The following PPM1L variants were observed in gnomAD, a reference collection of about 807,000 sequenced individuals.
PPM1L encodes protein phosphatase 1L.
A neutral mutation model predicts 31.4 loss-of-function variants in PPM1L; 13 were observed. That is an observed-to-expected ratio of 0.41 (90% CI 0.27 to 0.66). The LOEUF (loss-of-function observed/expected upper bound fraction) is 0.66. Ranked by LOEUF, PPM1L falls within the 30% of genes least tolerant of loss-of-function variation. The pLI is 0.29. For synonymous variants in PPM1L, 184 were observed against 175.4 expected (o/e 1.05, Z -0.39); for missense variants, 326 against 453.7 (o/e 0.72, Z 2.56).
At chr3:160,942,113 C>T (rs951096433) in intron 1 of PPM1L, among the ~76,000 whole-genome samples, 94 of 152,318 alleles carry the variant, frequency 6.2e-4, no homozygotes, top group African/African-American at 2.2e-3. Flanking sequence ...AGGCTAACTA[C>T]AGATGCATGC....
At chr3:161,061,491 T>A (rs1719566530) in intron 2 of PPM1L, among the ~76,000 whole-genome samples, 1 of 152,172 alleles carries the variant, frequency 6.6e-6, no homozygotes, top group African/African-American at 2.4e-5. Context: ...AGCATGTGAG[T>A]ACAGTTGGCT....
chr3:160,801,164 C>CAT (rs1644965876), intron 1 of PPM1L, among the ~76,000 whole-genome samples: 1 of 146,944 alleles, frequency 6.8e-6, no homozygotes, highest in Admixed American at 6.8e-5. Context: ...CACACACACA[C>CAT]ACGGGAATTT....
At chr3:160,798,580 A>G (rs1712329836) in intron 1 of PPM1L, among the ~76,000 whole-genome samples, 1 of 152,198 alleles carries the variant, frequency 6.6e-6, no homozygotes, top group Non-Finnish European at 1.5e-5. Flanking sequence ...TTTTAAGCTC[A>G]CTATTGAGAT....
intron 1 of PPM1L, among the ~76,000 whole-genome samples, chr3:160,795,337 C>G (rs987031004): frequency 2.0e-5 from 3 of 152,266 alleles, no homozygotes. Flanking sequence ...TGTTTATTGT[C>G]GTGGAGGCTG....
chr3:161,015,594 C>T (rs938501316), intron 2 of PPM1L, among the ~76,000 whole-genome samples: 1 of 152,178 alleles, frequency 6.6e-6, no homozygotes, highest in Non-Finnish European at 1.5e-5. Flanking sequence ...GGCACACAGC[C>T]GAGATAGGTC....
At chr3:160,976,905 C>T (rs919755284) in intron 2 of PPM1L, among the ~76,000 whole-genome samples, 1 of 152,094 alleles carries the variant, frequency 6.6e-6, no homozygotes, top group Non-Finnish European at 1.5e-5. Flanking sequence ...TTATTTCTTG[C>T]CTTCAGCTAG....
At chr3:160,995,993 A>G (rs1016908300) in intron 2 of PPM1L, among the ~76,000 whole-genome samples, 7 of 152,196 alleles carry the variant, frequency 4.6e-5, no homozygotes, top group Admixed American at 6.5e-5. Context: ...TGAATAGACA[A>G]TTCTCAAAAG....
At chr3:160,927,635 TGTGCGTGCGC>T (rs1714643541) in intron 1 of PPM1L, among the ~76,000 whole-genome samples, 1 of 151,996 alleles carries the variant, frequency 6.6e-6, no homozygotes, top group Non-Finnish European at 1.5e-5. Flanking sequence ...TGTGCGTGCG[TGTGCGTGCGC>T]GCGCATGCAC....
Position 160,844,790 on chromosome 3 carries a change from A to G in PPM1L, c.399+88083A>G, listed in dbSNP as rs181283205. Reference sequence around the variant, plus strand: ...TCACCCATATAAAGTGTACAATTCAATAGTTTTTAGTTAGGTTCACAGAGT... The same window carrying G: ...TCACCCATATAAAGTGTACAATTCAGTAGTTTTTAGTTAGGTTCACAGAGT... On this transcript the variant is annotated intron_variant, in intron 1 of 3. Coordinates refer to ENST00000498165, the MANE Select transcript of PPM1L (RefSeq NM_139245.4). 4.6e-5 allele frequency among the ~76,000 whole-genome samples: 7 copies of G among 152,132 alleles called. No homozygotes were observed. The East Asian group carries it at 5.8e-4, about 13-fold the overall frequency.
At chr3:160,885,781 C>T (rs374295182) in intron 1 of PPM1L, among the ~76,000 whole-genome samples, 6 of 152,336 alleles carry the variant, frequency 3.9e-5, no homozygotes, top group East Asian at 1.9e-4. Flanking sequence ...CCTGGAGCTG[C>T]GCAGATTCTC....
intron 1 of PPM1L, among the ~76,000 whole-genome samples, chr3:160,769,042 C>T (rs184694776): frequency 1.3e-5 from 2 of 152,318 alleles, no homozygotes; most frequent in Non-Finnish European, 2.9e-5. Context: ...GTACTCTTCA[C>T]ATCTTATAGT....
chr3:160,916,286 G>T (rs1714177769), intron 1 of PPM1L, among the ~76,000 whole-genome samples: 1 of 152,130 alleles, frequency 6.6e-6, no homozygotes, highest in African/African-American at 2.4e-5. Flanking sequence ...AGACATTTAT[G>T]CAGTGAAAAC....
chr3:160,803,869 T>C (rs1235422782), intron 1 of PPM1L, among the ~76,000 whole-genome samples: 2 of 152,198 alleles, frequency 1.3e-5, no homozygotes, highest in African/African-American at 4.8e-5. Flanking sequence ...CTTTAAAAAC[T>C]GAGACTGAGA....
chr3:160,776,544 G>T (rs1001226498), intron 1 of PPM1L, among the ~76,000 whole-genome samples: 3 of 151,288 alleles, frequency 2.0e-5, no homozygotes, highest in Non-Finnish European at 4.4e-5. Context: ...TGATATTATG[G>T]TTTACTTACT....
At chr3:160,817,652 G>A (rs1713037553) in intron 1 of PPM1L, among the ~76,000 whole-genome samples, 1 of 151,944 alleles carries the variant, frequency 6.6e-6, no homozygotes, top group Non-Finnish European at 1.5e-5. Flanking sequence ...AATTTTGGGT[G>A]CCTAAGTAAA....
intron 2 of PPM1L, among the ~76,000 whole-genome samples, chr3:161,013,113 G>A (rs1717952715): frequency 6.6e-6 from 1 of 152,152 alleles, no homozygotes; most frequent in African/African-American, 2.4e-5. Flanking sequence ...TAATTGTGAT[G>A]TTAGGGTGTC....
intron 1 of PPM1L, among the ~76,000 whole-genome samples, chr3:160,859,271 C>A (rs1471827298): frequency 6.6e-6 from 1 of 152,042 alleles, no homozygotes; most frequent in African/African-American, 2.4e-5. Flanking sequence ...TTTTCTTATG[C>A]CAGTTTGAGT....
chr3:161,065,407 A>G lies in PPM1L; in HGVS notation c.579A>G (p.Thr193=), dbSNP rs748069023. 8 of 1,613,740 alleles carry G rather than the reference A, an allele frequency of 5.0e-6. No individual in the cohort carries two copies. Among genetic ancestry groups the G allele is most frequent in the Non-Finnish European group, 6.8e-6 (8 of 1,179,856 alleles). Residue 193 remains threonine, a synonymous_variant, in exon 3 of 4, where the codon ACA becomes ACG. Coordinates refer to ENST00000498165, the MANE Select transcript of PPM1L (RefSeq NM_139245.4). ...KLTVSYDEAG[T]TCLIALLSDK... ...TCTCTCTCTTCTATTTTTCAGGCAC[A>G]ACGTGTTTGATTGCTCTGCTATCAG...
intron 1 of PPM1L, among the ~76,000 whole-genome samples, chr3:160,868,836 T>A (rs914872392): frequency 6.6e-6 from 1 of 152,080 alleles, no homozygotes; most frequent in Non-Finnish European, 1.5e-5. Flanking sequence ...AAGGAGAAAA[T>A]CACAACAGAA....
Sources: allele counts gnomAD v4.1 joint callset (sites outside exome capture counted in the v4.1 genomes callset), GRCh38; gene constraint gnomAD v4.1.1; transcripts MANE v1.5; gene names NCBI Gene and HGNC (gene_info 2026-07-23, HGNC 2026-07-21).